MTREX: variants seen among roughly 807,000 people sequenced by gnomAD.
MTREX encodes exosome RNA helicase MTR4.
Under a neutral mutation model 135.4 loss-of-function variants are expected in MTREX, and 76 were observed. The ratio of observed to expected loss-of-function variants is 0.56; its 90% CI spans 0.47 to 0.68. The LOEUF is 0.68. Ranked by LOEUF, MTREX falls within the 30% of genes least tolerant of loss-of-function variation. The pLI, the probability that MTREX is intolerant of heterozygous loss-of-function variation, is 0.00. For missense variants in MTREX, 920 were observed against 1,262.1 expected (o/e 0.73, Z 4.11); for synonymous variants, 404 against 401.6 (o/e 1.01, Z -0.07).
chr5:55,311,478 A>G (rs1022985195), intron 1 of MTREX, among the ~76,000 whole-genome samples: 8 of 151,922 alleles, frequency 5.3e-5, no homozygotes, highest in Admixed American at 3.3e-4. Flanking sequence ...ATTGATTTCT[A>G]TTTTGGAGGG....
rs151186408 is a variant in MTREX at position 55,411,749 on chromosome 5, C to T, written c.2751+1120C>T. Among the ~76,000 whole-genome samples, 444 of 152,222 alleles carry T rather than the reference C, an allele frequency of 2.9e-3. 2 individuals are homozygous for T. The highest frequency in any genetic ancestry group is 5.3e-3 in the Non-Finnish European group (358 of 67,986). On this transcript the variant is annotated intron_variant, in intron 23 of 26. Transcript: ENST00000230640. ...ATATGCATACAAAAGGAATGCATTACTTTACAAAATATTGTGTTTGTTTTT... is the reference window on the plus strand; with the variant it reads ...ATATGCATACAAAAGGAATGCATTATTTTACAAAATATTGTGTTTGTTTTT...
intron 22 of MTREX, among the ~76,000 whole-genome samples, chr5:55,409,221 A>G (rs921581230): frequency 2.6e-5 from 4 of 152,124 alleles, no homozygotes; most frequent in Non-Finnish European, 5.9e-5. Context: ...CAAATGAGCC[A>G]GGAGCCACTG....
chr5:55,370,402 C>G (rs1750176960), intron 16 of MTREX, among the ~76,000 whole-genome samples: 1 of 152,212 alleles, frequency 6.6e-6, no homozygotes, highest in South Asian at 2.1e-4. Context: ...TCTTCACAGT[C>G]CCCAGCTTTT....
chr5:55,315,766 A>G (rs1450544812), intron 1 of MTREX, among the ~76,000 whole-genome samples: 1 of 152,016 alleles, frequency 6.6e-6, no homozygotes, highest in Non-Finnish European at 1.5e-5. Flanking sequence ...AGTGAAGTAT[A>G]AGACTGTGGA....
chr5:55,339,072 G>T (rs1322964774), intron 5 of MTREX, among the ~76,000 whole-genome samples: 1 of 152,078 alleles, frequency 6.6e-6, no homozygotes, highest in Non-Finnish European at 1.5e-5. Flanking sequence ...GATTATAGGT[G>T]TGAGCCACTG....
intron 2 of MTREX, among the ~76,000 whole-genome samples, chr5:55,323,390 T>C (rs1434766313): frequency 1.3e-5 from 2 of 152,112 alleles, no homozygotes; most frequent in Non-Finnish European, 2.9e-5. Flanking sequence ...ACAGAGGACC[T>C]AGATAGCATA....
At chr5:55,412,736 C>T (rs1364577507) in intron 23 of MTREX, among the ~76,000 whole-genome samples, 1 of 152,210 alleles carries the variant, frequency 6.6e-6, no homozygotes, top group African/African-American at 2.4e-5. Context: ...CACATCAGGA[C>T]TGGTGCCTTC....
chr5:55,310,260 C>T (rs1436966506), intron 1 of MTREX, among the ~76,000 whole-genome samples: 1 of 152,160 alleles, frequency 6.6e-6, no homozygotes, highest in Non-Finnish European at 1.5e-5. Flanking sequence ...ACGTTAGTAG[C>T]TTAAAGGGTT....
intron 15 of MTREX, among the ~76,000 whole-genome samples, chr5:55,359,546 TTA>T (rs35525917): frequency 0.19 from 28,297 of 152,000 alleles, 2,688 homozygotes; most frequent in Admixed American, 0.19. Context: ...GTGTATATCT[TTA>T]TATGTCTTTA....
chr5:55,323,848 T>A (rs1364521811), intron 2 of MTREX, among the ~76,000 whole-genome samples: 1 of 152,254 alleles, frequency 6.6e-6, no homozygotes, highest in Non-Finnish European at 1.5e-5. Flanking sequence ...GCACTTTTTA[T>A]TCAAAATAGT....
At chr5:55,387,823 C>T (rs1363959877) in intron 18 of MTREX, 151 bp from the exon 19 acceptor site, 4 of 492,272 alleles carry the variant, frequency 8.1e-6, no homozygotes, top group Admixed American at 8.4e-5. Flanking sequence ...TCCAGAGAGA[C>T]AGTTTTCATT....
chr5:55,389,231 G>A (rs190620047), intron 19 of MTREX, among the ~76,000 whole-genome samples: 4 of 152,206 alleles, frequency 2.6e-5, no homozygotes, highest in South Asian at 4.2e-4. Flanking sequence ...CCCACAGTTA[G>A]GCATATACTC....
chr5:55,372,773 A>G (rs1286068873), intron 16 of MTREX, among the ~76,000 whole-genome samples: 1 of 152,206 alleles, frequency 6.6e-6, no homozygotes, highest in African/African-American at 2.4e-5. Flanking sequence ...ACTCAGGAAA[A>G]AACATAGGTG....
At chr5:55,393,498 T>C (rs970599429) in intron 19 of MTREX, among the ~76,000 whole-genome samples, 2 of 152,244 alleles carry the variant, frequency 1.3e-5, no homozygotes, top group African/African-American at 4.8e-5. Flanking sequence ...CATATTTTGT[T>C]TCAGGTGATA....
At chr5:55,348,357 A>G (rs1437907603) in intron 11 of MTREX, among the ~76,000 whole-genome samples, 1 of 152,102 alleles carries the variant, frequency 6.6e-6, no homozygotes. Context: ...TAAAGGCCCT[A>G]CCTCTCAACA....
intron 16 of MTREX, among the ~76,000 whole-genome samples, chr5:55,373,546 T>C (rs962026689): frequency 1.3e-5 from 2 of 152,182 alleles, no homozygotes; most frequent in Admixed American, 6.5e-5. Flanking sequence ...CTTTGTCTTA[T>C]ATTTTTTTTA....
chr5:55,336,241 T>C (rs1343154383), intron 5 of MTREX, among the ~76,000 whole-genome samples: 3 of 152,174 alleles, frequency 2.0e-5, no homozygotes, highest in Admixed American at 6.5e-5. Flanking sequence ...GCATTGTCAA[T>C]ATCTAGTACA....
chr5:55,325,489 G>A (rs561353481), intron 3 of MTREX, among the ~76,000 whole-genome samples: 14 of 151,346 alleles, frequency 9.3e-5, no homozygotes, highest in Non-Finnish European at 1.8e-4. Flanking sequence ...GTGCCACCAC[G>A]CTTGGCTAAT....
In MTREX at chr5:55,380,477, T is replaced by C. The variant is rs188369143; in HGVS notation, c.2052+1282T>C. Among the ~76,000 whole-genome samples, 55 of 152,304 alleles carry C rather than the reference T, an allele frequency of 3.6e-4. No individual in the cohort carries two copies. In the East Asian group the frequency reaches 8.9e-3, roughly 25 times the overall value. On this transcript the variant is annotated intron_variant, in intron 18 of 26. Transcript: ENST00000230640. Reference sequence around the variant, plus strand: ...CCTGGTGTGTTGAGTGTTTTTCTCATGAAAGATAAATATTATGTCAAATAT... The same window carrying C: ...CCTGGTGTGTTGAGTGTTTTTCTCACGAAAGATAAATATTATGTCAAATAT...
Sources: gnomAD v4.1 joint callset for allele counts (sites outside exome capture counted in the v4.1 genomes callset) on GRCh38, gnomAD v4.1.1 for gene constraint, MANE v1.5 for transcripts, NCBI Gene and HGNC (gene_info 2026-07-23, HGNC 2026-07-21) for gene names.